Variants in NCEH1 observed in about 807,000 individuals in gnomAD.
NCEH1 encodes 2-acetyl MAGE hydrolase.
Under a neutral mutation model 25.4 loss-of-function variants are expected in NCEH1, and 9 were observed. The observed-to-expected ratio is 0.35, with a 90% CI of 0.21 to 0.62. NCEH1 has a LOEUF of 0.62. NCEH1 is among the 20% of genes least tolerant of loss of function. NCEH1 has a pLI of 0.72. For synonymous variants in NCEH1, 200 were observed against 199.8 expected (o/e 1.00, Z -0.01); for missense variants, 412 against 501.1 (o/e 0.82, Z 1.70).
chr3:172,658,838 AACTT>A (rs1298758954), intron 1 of NCEH1, among the ~76,000 whole-genome samples: 1 of 138,162 alleles, frequency 7.2e-6, no homozygotes, highest in African/African-American at 2.9e-5. Context: ...CCAATTCCAA[AACTT>A]TTTTTTTTTT....
At chr3:172,651,115 T>C (rs1289506015) in intron 1 of NCEH1, among the ~76,000 whole-genome samples, 1 of 152,160 alleles carries the variant, frequency 6.6e-6, no homozygotes, top group Non-Finnish European at 1.5e-5. Context: ...GTTGCTGAAT[T>C]CTGGCTACTA....
intron 1 of NCEH1, among the ~76,000 whole-genome samples, chr3:172,688,958 T>C (rs1022624944): frequency 1.2e-4 from 18 of 152,320 alleles, no homozygotes; most frequent in African/African-American, 4.3e-4. Context: ...GTCTTCACCT[T>C]TGCAAATGAG....
intron 3 of NCEH1, among the ~76,000 whole-genome samples, chr3:172,641,900 T>C (rs1433160670): frequency 6.6e-6 from 1 of 152,194 alleles, no homozygotes; most frequent in African/African-American, 2.4e-5. Flanking sequence ...TTAAACGAGG[T>C]AAGATCTTGC....
chr3:172,642,559 GGT>G (rs1355433412), intron 3 of NCEH1, among the ~76,000 whole-genome samples: 1 of 144,160 alleles, frequency 6.9e-6, no homozygotes, highest in Non-Finnish European at 1.5e-5. Flanking sequence ...AGTGCTCTTG[GGT>G]TAGCCTGAAT....
At chr3:172,684,994 A>C (rs539046366) in intron 1 of NCEH1, among the ~76,000 whole-genome samples, 56 of 147,850 alleles carry the variant, frequency 3.8e-4, no homozygotes, top group South Asian at 1.0e-3. Flanking sequence ...TCCCATCCCC[A>C]AAAAAAAGAC....
Position 172,701,449 on chromosome 3 carries a change from C to CTTTTTTTTTTTTTTTTTTT in NCEH1, c.138+9397_138+9398insAAAAAAAAAAAAAAAAAAA. On this transcript the variant is annotated intron_variant, in intron 1 of 4. Coordinates refer to ENST00000475381, the MANE Select transcript of NCEH1 (RefSeq NM_020792.6). ...TAGTGCTTCCTAGATGGTCTTTTGC[C>CTTTTTTTTTTTTTTTTTTT]TTTTTTTTTTTTTTTTTAAAGACGG... 1.5e-3 allele frequency among the ~76,000 whole-genome samples: 165 copies of CTTTTTTTTTTTTTTTTTTT among 110,914 alleles called. 11 individuals are homozygous for CTTTTTTTTTTTTTTTTTTT. Among genetic ancestry groups the CTTTTTTTTTTTTTTTTTTT allele is most frequent in the African/African-American group, 6.6e-3 (160 of 24,186 alleles). The allele number at this position is 110,914 out of a possible 152,430, so 72.8% of individuals were successfully genotyped here.
At chr3:172,657,367 GAC>G (rs1263935027) in intron 1 of NCEH1, among the ~76,000 whole-genome samples, 10 of 151,990 alleles carry the variant, frequency 6.6e-5, no homozygotes, top group African/African-American at 2.2e-4. Flanking sequence ...AGCAATTAAC[GAC>G]ACAAATTCTC....
chr3:172,643,319 T>A (rs764302810), intron 3 of NCEH1, among the ~76,000 whole-genome samples: 3 of 152,148 alleles, frequency 2.0e-5, no homozygotes, highest in Non-Finnish European at 4.4e-5. Flanking sequence ...GTAATCCTTG[T>A]ACCTCAGCCT....
chr3:172,710,023 G>A, intron 1 of NCEH1, among the ~76,000 whole-genome samples: 1 of 152,194 alleles, frequency 6.6e-6, no homozygotes, highest in East Asian at 1.9e-4. Context: ...GAATAAACCA[G>A]AGACAGTTAT....
intron 3 of NCEH1, among the ~76,000 whole-genome samples, chr3:172,644,594 G>A (rs1717028708): frequency 6.6e-6 from 1 of 152,130 alleles, no homozygotes. Flanking sequence ...CTAGCTATCT[G>A]GCCTTATGCA....
In NCEH1 at chr3:172,686,885, C is replaced by T. The variant is rs139774136; in HGVS notation, c.138+23962G>A. 2.8e-3 allele frequency among the ~76,000 whole-genome samples: 426 copies of T among 152,278 alleles called. 4 individuals carry two copies. Among genetic ancestry groups the T allele is most frequent in the African/African-American group, 9.7e-3 (403 of 41,542 alleles). On this transcript the variant is annotated intron_variant, in intron 1 of 4. Transcript: ENST00000475381. ...TGTGCCAGGAATCAAGGTCTCTTCC[C>T]CATTTTTTCTTGGGGGAGGGAGAGC... is the stretch of plus-strand genomic sequence containing the variant.
At chr3:172,635,716 G>A (rs1302783708) in intron 4 of NCEH1, among the ~76,000 whole-genome samples, 200 bp downstream of exon 4, 1 of 152,124 alleles carries the variant, frequency 6.6e-6, no homozygotes, top group East Asian at 1.9e-4. Flanking sequence ...ACTCATAGGT[G>A]ATACTTCCTC....
intron 1 of NCEH1, among the ~76,000 whole-genome samples, chr3:172,679,274 C>A (rs1261341937): frequency 2.0e-5 from 3 of 152,182 alleles, no homozygotes; most frequent in Non-Finnish European, 4.4e-5. Context: ...AAATTGTCGG[C>A]TCTAAGAACA....
chr3:172,653,914 G>A (rs1363581671), intron 1 of NCEH1, among the ~76,000 whole-genome samples: 5 of 151,822 alleles, frequency 3.3e-5, no homozygotes, highest in East Asian at 3.9e-4. Context: ...ATGCCACCAC[G>A]CCCAGCTAAT....
At chr3:172,636,741 TCGCAA>T (rs925803489) in intron 3 of NCEH1, among the ~76,000 whole-genome samples, 14 of 152,194 alleles carry the variant, frequency 9.2e-5, no homozygotes, top group Non-Finnish European at 1.6e-4. Context: ...TGGCCCCACT[TCGCAA>T]GATCAGAGTC....
chr3:172,639,931 A>C (rs533202273), intron 3 of NCEH1, among the ~76,000 whole-genome samples: 7 of 152,350 alleles, frequency 4.6e-5, no homozygotes, highest in African/African-American at 1.7e-4. Context: ...GGTTGAAGGA[A>C]AATGTGTAAC....
chr3:172,648,140 A>T (rs1291716512), intron 1 of NCEH1, 26 bp from the exon 2 acceptor site: 1 of 1,613,050 alleles, frequency 6.2e-7, no homozygotes, highest in African/African-American at 1.3e-5. Context: ...GGAAATAAAG[A>T]GGGAGGGCGC....
chr3:172,634,216 C>T (rs1716506161), intron 4 of NCEH1, 124 bp from the exon 5 acceptor site: 3 of 886,346 alleles, frequency 3.4e-6, no homozygotes, highest in Non-Finnish European at 5.1e-6. Flanking sequence ...TACATTTCTA[C>T]CAGGCACTGT....
chr3:172,710,548 G>A (rs911900820), intron 1 of NCEH1, among the ~76,000 whole-genome samples: 1 of 152,358 alleles, frequency 6.6e-6, no homozygotes, highest in East Asian at 1.9e-4. Context: ...TTTTGACGTT[G>A]CAAACCAAGG....
Sources: allele counts gnomAD v4.1 joint callset (sites outside exome capture counted in the v4.1 genomes callset), GRCh38; gene constraint gnomAD v4.1.1; transcripts MANE v1.5; gene names NCBI Gene and HGNC (gene_info 2026-07-23, HGNC 2026-07-21).